ZMYND11: variants seen among roughly 807,000 people sequenced by gnomAD.
ZMYND11 encodes zinc finger MYND domain-containing protein 11.
In ZMYND11, 9 loss-of-function variants were observed where a neutral mutation model predicts 84.9. That is an observed-to-expected ratio of 0.11 (90% CI 0.06 to 0.18). ZMYND11 has a LOEUF of 0.18. Among genes scored for constraint, ZMYND11 ranks in the 10% least tolerant of loss-of-function variants. ZMYND11 has a pLI of 1.00. For synonymous variants in ZMYND11, 250 were observed against 244.1 expected (o/e 1.02, Z -0.23); for missense variants, 409 against 761.0 (o/e 0.54, Z 5.44).
intron 5 of ZMYND11, 51 bp downstream of exon 5, chr10:236,966 A>G (rs748707682): frequency 6.6e-6 from 10 of 1,525,184 alleles, no homozygotes; most frequent in African/African-American, 5.5e-5. Context: ...ACATTTTACT[A>G]TGGTTCATTC....
chr10:208,479 G>A (rs541686023), intron 2 of ZMYND11, among the ~76,000 whole-genome samples: 31 of 152,264 alleles, frequency 2.0e-4, no homozygotes, highest in South Asian at 4.1e-4. Context: ...AAAAGTGGAC[G>A]AAGGACATGA....
chr10:198,165 A>T (rs918019172), intron 2 of ZMYND11, among the ~76,000 whole-genome samples: 15 of 152,190 alleles, frequency 9.9e-5, no homozygotes, highest in Admixed American at 9.8e-4. Context: ...CAAAGTTAAT[A>T]AAATAAGTAG....
intron 2 of ZMYND11, 129 bp downstream of exon 2, chr10:180,257 G>GC (rs1847567009): frequency 8.5e-6 from 5 of 591,514 alleles, no homozygotes; most frequent in Admixed American, 3.4e-5. Context: ...TTTTTGCTTT[G>GC]CAGGAGTATT....
chr10:160,220 G>A (rs548584928), intron 1 of ZMYND11, among the ~76,000 whole-genome samples: 2 of 152,280 alleles, frequency 1.3e-5, no homozygotes, highest in African/African-American at 4.8e-5. Context: ...AATTTTTTTG[G>A]CTTCCCAATA....
rs1210500456 is a variant in ZMYND11, at chr10:240,897, A to G, written c.758A>G (p.Asp253Gly). The G allele has an allele frequency of 6.2e-7, 1 of 1,613,084 alleles. No individual in the cohort carries two copies. The highest frequency in any genetic ancestry group is 1.1e-5 in the South Asian group (1 of 90,838). ...MLYKDTCHEL[D>G]ELQLCKNCFY... ...GTAGTTTCTTTTCTTTTTCAGCTGG[A>G]TGAACTGCAGCTTTGCAAGAATTGC... The change falls in exon 9 of 15, where the codon GAT becomes GGT. Residue 253 changes from aspartate (D) to glycine (G), a missense_variant. By Grantham distance (94) the Asp-to-Gly change is moderately conservative. Coordinates refer to ENST00000381604, the MANE Select transcript of ZMYND11 (RefSeq NM_001370100.5).
chr10:170,424 A>ATGTGTG (rs1206060810), intron 1 of ZMYND11, among the ~76,000 whole-genome samples: 1 of 69,800 alleles, frequency 1.4e-5, no homozygotes, highest in African/African-American at 5.2e-5. Context: ...GTATTTGATT[A>ATGTGTG]TGTGTGCGTG....
chr10:247,093 G>A (rs1224134682), intron 11 of ZMYND11, 120 bp downstream of exon 11: 3 of 1,107,488 alleles, frequency 2.7e-6, no homozygotes, highest in African/African-American at 1.6e-5. Flanking sequence ...TTTTACATTT[G>A]TAAAGTGCTC....
intron 2 of ZMYND11, among the ~76,000 whole-genome samples, chr10:204,508 C>T (rs1000532521): frequency 6.6e-6 from 1 of 152,044 alleles, no homozygotes; most frequent in Non-Finnish European, 1.5e-5. Flanking sequence ...ATTTAAATTA[C>T]TTAAAAAAGC....
intron 3 of ZMYND11, among the ~76,000 whole-genome samples, chr10:216,585 C>T (rs1490248346): frequency 6.6e-6 from 1 of 152,090 alleles, no homozygotes; most frequent in Non-Finnish European, 1.5e-5. Flanking sequence ...TCCAAATGTC[C>T]ATGCCCTATC....
At chr10:212,412 T>C (rs1945406125) in intron 3 of ZMYND11, among the ~76,000 whole-genome samples, 1 of 151,992 alleles carries the variant, frequency 6.6e-6, no homozygotes, top group Admixed American at 6.6e-5. Flanking sequence ...AAAATGGCTG[T>C]ATAATATAAG....
At chr10:245,338 TGTACAA>T (rs1220757525) in intron 10 of ZMYND11, among the ~76,000 whole-genome samples, 11 of 152,200 alleles carry the variant, frequency 7.2e-5, no homozygotes, top group African/African-American at 2.4e-4. Context: ...AAGCTTGGCT[TGTACAA>T]GGAAGTGGAA....
intron 2 of ZMYND11, among the ~76,000 whole-genome samples, chr10:206,111 G>A (rs979510672): frequency 6.6e-6 from 1 of 151,932 alleles, no homozygotes; most frequent in Non-Finnish European, 1.5e-5. Context: ...TGTAATCCCG[G>A]CACTTTGGGA....
At chr10:181,805 T>G (rs1483189748) in intron 2 of ZMYND11, among the ~76,000 whole-genome samples, 1 of 152,114 alleles carries the variant, frequency 6.6e-6, no homozygotes, top group Non-Finnish European at 1.5e-5. Context: ...ACAATAAGAA[T>G]AAAATAAATA....
At chr10:136,119 C>T (rs1835969878) in intron 1 of ZMYND11, among the ~76,000 whole-genome samples, 1 of 152,080 alleles carries the variant, frequency 6.6e-6, no homozygotes, top group Non-Finnish European at 1.5e-5. Flanking sequence ...TGAGCGACCC[C>T]GGCAGCGAGG....
intron 1 of ZMYND11, among the ~76,000 whole-genome samples, chr10:151,537 C>T (rs1263786406): frequency 6.6e-6 from 1 of 152,128 alleles, no homozygotes; most frequent in African/African-American, 2.4e-5. Flanking sequence ...AAGAAATGAG[C>T]AAAGTCTTCG....
chr10:217,275 T>C (rs1244825842), intron 3 of ZMYND11, among the ~76,000 whole-genome samples: 2 of 152,194 alleles, frequency 1.3e-5, no homozygotes, highest in African/African-American at 2.4e-5. Context: ...AGCTCACACC[T>C]GTAATCCTAG....
At position 135,711 on chromosome 10, in the gene ZMYND11, C is replaced by T. The variant is rs1588326176; in HGVS notation, c.-20+152C>T. ...GTCGCTCGCCCGCTCGCGAAGAGCTCCGAGCTGCCGGGGAGCTTTGTGGAT... is the reference window on the plus strand; with the variant it reads ...GTCGCTCGCCCGCTCGCGAAGAGCTTCGAGCTGCCGGGGAGCTTTGTGGAT... On this transcript the variant is annotated intron_variant, in intron 1 of 14. Coordinates refer to ENST00000381604, the MANE Select transcript of ZMYND11 (RefSeq NM_001370100.5). This position sits in a 1 kb window ranked among gnomAD's most constrained non-coding sequence, Gnocchi z 5.6. Among the ~76,000 whole-genome samples, 1 of 147,392 alleles carries T rather than the reference C, an allele frequency of 6.8e-6. No individual in the cohort carries two copies. Among genetic ancestry groups the T allele is most frequent in the South Asian group, 2.1e-4 (1 of 4,774 alleles).
At chr10:232,875 G>A (rs563216276) in intron 4 of ZMYND11, among the ~76,000 whole-genome samples, 6 of 152,148 alleles carry the variant, frequency 3.9e-5, no homozygotes, top group Non-Finnish European at 7.3e-5. Flanking sequence ...ATTCCTCTTT[G>A]TGCAGTAAAG....
chr10:173,674 G>A (rs1845903846), intron 1 of ZMYND11, among the ~76,000 whole-genome samples: 1 of 152,086 alleles, frequency 6.6e-6, no homozygotes, highest in African/African-American at 2.4e-5. Flanking sequence ...AGCTTTGACT[G>A]CACTTCAGAC....
Sources: allele counts gnomAD v4.1 joint callset (sites outside exome capture counted in the v4.1 genomes callset), GRCh38; gene constraint gnomAD v4.1.1; non-coding constraint Gnocchi (gnomAD v3.1); transcripts MANE v1.5; gene names NCBI Gene and HGNC (gene_info 2026-07-23, HGNC 2026-07-21).